The following LUZP2 variants were observed in gnomAD, a reference collection of about 807,000 sequenced individuals.
LUZP2 encodes leucine zipper protein 2.
In LUZP2, 52 loss-of-function variants were observed where a neutral mutation model predicts 51.6. That is an observed-to-expected ratio of 1.01 (90% CI 0.81 to 1.27). LUZP2 has a LOEUF of 1.27. Ranked by LOEUF, LUZP2 falls within the 50% of genes most tolerant of loss-of-function variation. The pLI, the probability that LUZP2 is intolerant of heterozygous loss-of-function variation, is 0.00. For missense variants in LUZP2, 436 were observed against 395.4 expected (o/e 1.10, Z -0.87); for synonymous variants, 154 against 137.3 (o/e 1.12, Z -0.85).
chr11:24,710,805 A>G (rs539385822), intron 1 of LUZP2, among the ~76,000 whole-genome samples: 1 of 152,306 alleles, frequency 6.6e-6, no homozygotes, highest in South Asian at 2.1e-4. Flanking sequence ...CTTTAAATGA[A>G]AAACTTTATG....
chr11:24,933,848 T>C (rs1381885678), intron 7 of LUZP2, among the ~76,000 whole-genome samples: 1 of 152,054 alleles, frequency 6.6e-6, no homozygotes, highest in Non-Finnish European at 1.5e-5. Context: ...TTAGTTCTTA[T>C]AGGTTTGGGA....
chr11:24,772,560 A>G (rs115445797), intron 5 of LUZP2, among the ~76,000 whole-genome samples: 12,201 of 152,186 alleles, frequency 0.08, 1,057 homozygotes, highest in African/African-American at 0.22. Context: ...GTGAAATGTT[A>G]GTCAACTGAT....
intron 9 of LUZP2, among the ~76,000 whole-genome samples, chr11:24,992,037 C>A (rs1856363519): frequency 6.6e-6 from 1 of 151,972 alleles, no homozygotes; most frequent in Non-Finnish European, 1.5e-5. Context: ...ACTCTGCTGA[C>A]TGTTCCTTTT....
chr11:24,854,085 G>A (rs757984896), intron 5 of LUZP2, among the ~76,000 whole-genome samples: 11 of 152,214 alleles, frequency 7.2e-5, no homozygotes, highest in Non-Finnish European at 1.6e-4. Context: ...TCCCACTCAG[G>A]AGTCATGGGT....
intron 1 of LUZP2, among the ~76,000 whole-genome samples, chr11:24,503,102 A>G (rs1174345957): frequency 1.3e-5 from 2 of 152,216 alleles, no homozygotes; most frequent in African/African-American, 4.8e-5. Context: ...TTTGAAAATG[A>G]CCATATGAAA....
intron 9 of LUZP2, among the ~76,000 whole-genome samples, chr11:24,995,650 C>A (rs1369605202): frequency 6.6e-6 from 1 of 151,964 alleles, no homozygotes; most frequent in Non-Finnish European, 1.5e-5. Flanking sequence ...CCATTGCCTT[C>A]TAGCTGGCAT....
At chr11:24,577,039 C>T (rs746060133) in intron 1 of LUZP2, among the ~76,000 whole-genome samples, 15 of 151,862 alleles carry the variant, frequency 9.9e-5, no homozygotes, top group Non-Finnish European at 1.5e-4. Context: ...AACATTTAAG[C>T]ATCCATGCTT....
rs540461607 is a variant in LUZP2, at chr11:24,661,165, T to G, written c.63-68004T>G. On this transcript the variant is annotated intron_variant, in intron 1 of 11. Coordinates refer to ENST00000336930, the MANE Select transcript of LUZP2 (RefSeq NM_001009909.4). ...ACATTGTTCTTTTTACATTTTTTTTTGAAACTTCATGCTCTAATACTCTAA... is the reference window on the plus strand; with the variant it reads ...ACATTGTTCTTTTTACATTTTTTTTGGAAACTTCATGCTCTAATACTCTAA... Among the ~76,000 whole-genome samples the G allele has an allele frequency of 2.5e-3, 381 of 152,202 alleles. 2 individuals carry two copies. Among genetic ancestry groups the G allele is most frequent in the African/African-American group, 8.8e-3 (365 of 41,544 alleles).
At chr11:24,655,583 T>C (rs1276770718) in intron 1 of LUZP2, among the ~76,000 whole-genome samples, 1 of 152,162 alleles carries the variant, frequency 6.6e-6, no homozygotes, top group Non-Finnish European at 1.5e-5. Flanking sequence ...CAAAATATTG[T>C]ACAGTTCAGA....
chr11:24,686,918 A>C (rs1590347793), intron 1 of LUZP2, among the ~76,000 whole-genome samples: 4 of 152,276 alleles, frequency 2.6e-5, no homozygotes, highest in African/African-American at 9.6e-5. Context: ...ACTTTCCAGC[A>C]TAATTTTAGC....
intron 3 of LUZP2, among the ~76,000 whole-genome samples, chr11:24,736,119 G>A (rs987409752): frequency 2.6e-5 from 4 of 151,668 alleles, no homozygotes; most frequent in Non-Finnish European, 5.9e-5. Context: ...TTTGTTTTTT[G>A]TCCTGTTCCC....
At chr11:24,639,149 G>A (rs1412032334) in intron 1 of LUZP2, among the ~76,000 whole-genome samples, 1 of 151,428 alleles carries the variant, frequency 6.6e-6, no homozygotes, top group East Asian at 1.9e-4. Context: ...GTCACTAGTT[G>A]CTTATTTTAG....
chr11:24,890,894 CTTTTTTTT>C (rs34323542), intron 5 of LUZP2: 4 of 739,026 alleles, frequency 5.4e-6, no homozygotes, highest in Middle Eastern at 7.5e-4. Flanking sequence ...AGTAAAAGTT[CTTTTTTTT>C]TTTTTTTTTT....
At chr11:25,005,917 C>T (rs1856821164) in intron 9 of LUZP2, among the ~76,000 whole-genome samples, 1 of 152,068 alleles carries the variant, frequency 6.6e-6, no homozygotes, top group African/African-American at 2.4e-5. Context: ...TTACCCCTGT[C>T]CTATAAAGAT....
intron 5 of LUZP2, chr11:24,785,842 A>G: frequency 2.0e-6 from 2 of 984,992 alleles, no homozygotes; most frequent in Non-Finnish European, 2.4e-6. Flanking sequence ...TCAAGAGGCT[A>G]TGCTGACTCT....
chr11:24,995,822 GC>G (rs1222690879), intron 9 of LUZP2, among the ~76,000 whole-genome samples: 4 of 151,782 alleles, frequency 2.6e-5, no homozygotes, highest in African/African-American at 9.7e-5. Context: ...GTTTTCACTT[GC>G]TGTTTACTTG....
chr11:24,756,759 T>C (rs1380182838), intron 4 of LUZP2, among the ~76,000 whole-genome samples: 1 of 152,136 alleles, frequency 6.6e-6, no homozygotes, highest in Non-Finnish European at 1.5e-5. Flanking sequence ...CTCCTCCAAT[T>C]TAATTCTGAC....
chr11:24,710,896 A>G (rs1565091803), intron 1 of LUZP2, among the ~76,000 whole-genome samples: 1 of 151,316 alleles, frequency 6.6e-6, no homozygotes, highest in Admixed American at 6.6e-5. Flanking sequence ...AGACAAAGAG[A>G]AAGGAAAGAA....
At chr11:24,889,268 T>C (rs1200963024) in intron 5 of LUZP2, among the ~76,000 whole-genome samples, 1 of 152,054 alleles carries the variant, frequency 6.6e-6, no homozygotes, top group Admixed American at 6.6e-5. Flanking sequence ...GGGGCAAAAA[T>C]ATTTAAGCAT....
Sources: allele counts gnomAD v4.1 joint callset (sites outside exome capture counted in the v4.1 genomes callset), GRCh38; gene constraint gnomAD v4.1.1; transcripts MANE v1.5; gene names NCBI Gene and HGNC (gene_info 2026-07-23, HGNC 2026-07-21).